The following GXYLT2 variants were observed in gnomAD, a reference collection of about 807,000 sequenced individuals.
GXYLT2 encodes the protein glycosyltransferase 8 domain containing 4.
A neutral mutation model predicts 45.8 loss-of-function variants in GXYLT2; 53 were observed. That is an observed-to-expected ratio of 1.16 (90% CI 0.93 to 1.46). The LOEUF is 1.46. Ranked by LOEUF, GXYLT2 falls within the 40% of genes most tolerant of loss-of-function variation. GXYLT2 has a pLI of 0.00. For missense variants in GXYLT2, 551 were observed against 544.4 expected (o/e 1.01, Z -0.12); for synonymous variants, 219 against 214.2 (o/e 1.02, Z -0.19).
chr3:72,903,993 G>A (rs988375923), intron 1 of GXYLT2, among the ~76,000 whole-genome samples: 1 of 152,184 alleles, frequency 6.6e-6, no homozygotes, highest in African/African-American at 2.4e-5. Flanking sequence ...ATCTGACTCT[G>A]CTTTTCCACT....
At chr3:72,890,497 C>T (rs1227300712) in intron 1 of GXYLT2, among the ~76,000 whole-genome samples, 1 of 152,252 alleles carries the variant, frequency 6.6e-6, no homozygotes, top group African/African-American at 2.4e-5. Flanking sequence ...CCAAGGTTCA[C>T]AGGTAACCTG....
chr3:72,933,302 C>T (rs191402045), intron 3 of GXYLT2, among the ~76,000 whole-genome samples: 2 of 152,266 alleles, frequency 1.3e-5, no homozygotes, highest in Admixed American at 1.3e-4. Context: ...ACATCAGTCA[C>T]ATTGTAGGGA....
intron 6 of GXYLT2, among the ~76,000 whole-genome samples, chr3:72,973,721 G>A (rs1361871068): frequency 6.6e-6 from 1 of 152,104 alleles, no homozygotes; most frequent in Non-Finnish European, 1.5e-5. Flanking sequence ...GAGGGTTGTG[G>A]GGGGAAAGAG....
At position 72,906,592 on chromosome 3, in the gene GXYLT2, C is replaced by T. The variant is rs538575377; in HGVS notation, c.276-1775C>T. ...AGAACGTAAGTTCTTCCAGTGCAGG[C>T]GTCTTTGTTTTGTTCACTGTCTTCC... On this transcript the variant is annotated intron_variant, in intron 1 of 6. Coordinates refer to ENST00000389617, the MANE Select transcript of GXYLT2 (RefSeq NM_001080393.2). 8.0e-5 allele frequency among the ~76,000 whole-genome samples: 10 copies of T among 124,674 alleles called. No homozygotes were observed. The East Asian group carries it at 1.6e-3, about 19-fold the overall frequency. The allele number at this position is 124,674 out of a possible 152,430, so 81.8% of individuals were successfully genotyped here. A position where few individuals can be genotyped will look rare whatever the true frequency, so the allele number is the denominator to read the frequency against.
intron 1 of GXYLT2, among the ~76,000 whole-genome samples, chr3:72,889,965 C>T (rs910517038): frequency 3.5e-5 from 5 of 141,168 alleles, no homozygotes; most frequent in Non-Finnish European, 6.0e-5. Flanking sequence ...GAGTGCCGTG[C>T]TGCGATCTCT....
Position 72,888,231 on chromosome 3 carries a change from A to C in GXYLT2, c.-3A>C. The C allele has an allele frequency of 1.0e-6, 1 of 990,216 alleles. No homozygotes were observed. Among genetic ancestry groups the C allele is most frequent in the Non-Finnish European group, 1.2e-6 (1 of 835,870 alleles). The allele number at this position is 990,216 out of a possible 1,614,324, so 61.3% of individuals were successfully genotyped here. On this transcript the variant is annotated 5_prime_UTR_variant, in exon 1 of 7. Coordinates refer to ENST00000389617, the MANE Select transcript of GXYLT2 (RefSeq NM_001080393.2). Reference sequence around the variant, plus strand: ...GGGGCCGCCGCCGCCGCCGCGCCGCACCATGAAGCTCCGCAGCAAGGCGGC... The same window carrying C: ...GGGGCCGCCGCCGCCGCCGCGCCGCCCCATGAAGCTCCGCAGCAAGGCGGC...
At chr3:72,973,462 G>A (rs1372911165) in intron 6 of GXYLT2, among the ~76,000 whole-genome samples, 1 of 152,186 alleles carries the variant, frequency 6.6e-6, no homozygotes, top group Non-Finnish European at 1.5e-5. Flanking sequence ...CATTCTAATG[G>A]CAGTGGAAAG....
chr3:72,943,742 A>G (rs1710344753), intron 3 of GXYLT2, among the ~76,000 whole-genome samples: 1 of 152,040 alleles, frequency 6.6e-6, no homozygotes, highest in Non-Finnish European at 1.5e-5. Flanking sequence ...ACCATATCTA[A>G]GTGTCCAGTT....
In GXYLT2 at chr3:72,971,067, G is replaced by A. The variant is rs533657898; in HGVS notation, c.1149+3348G>A. Among the ~76,000 whole-genome samples, 4 of 152,242 alleles carry A rather than the reference G, an allele frequency of 2.6e-5. No individual in the cohort carries two copies. The East Asian group carries it at 7.7e-4, about 29-fold the overall frequency. On this transcript the variant is annotated intron_variant, in intron 6 of 6. Coordinates refer to ENST00000389617, the MANE Select transcript of GXYLT2 (RefSeq NM_001080393.2). ...ACTCCAGGGGCAAACTCATTCAGGA[G>A]TACGAGCAGAAGTTAAATAAGTACA...
intron 3 of GXYLT2, among the ~76,000 whole-genome samples, chr3:72,947,178 G>A (rs1361608380): frequency 6.6e-6 from 1 of 151,826 alleles, no homozygotes; most frequent in Non-Finnish European, 1.5e-5. Context: ...CTGACAGAGG[G>A]GACTTAAATA....
intron 2 of GXYLT2, among the ~76,000 whole-genome samples, chr3:72,916,169 G>A (rs1462422355): frequency 1.3e-5 from 2 of 150,472 alleles, no homozygotes; most frequent in Non-Finnish European, 2.9e-5. Context: ...TCTAGTATGT[G>A]TTTTGCCACA....
At chr3:72,920,855 G>A (rs1276473768) in intron 2 of GXYLT2, among the ~76,000 whole-genome samples, 10 of 142,278 alleles carry the variant, frequency 7.0e-5, no homozygotes, top group African/African-American at 1.6e-4. Context: ...CACTCTGTCC[G>A]TCAGACTGGA....
At chr3:72,965,905 T>A (rs1710857075) in intron 5 of GXYLT2, among the ~76,000 whole-genome samples, 1 of 152,216 alleles carries the variant, frequency 6.6e-6, no homozygotes, top group South Asian at 2.1e-4. Flanking sequence ...TATAGTTACC[T>A]TGGCACAGGG....
chr3:72,943,745 G>A (rs1052871366), intron 3 of GXYLT2, among the ~76,000 whole-genome samples: 1 of 151,946 alleles, frequency 6.6e-6, no homozygotes, highest in Non-Finnish European at 1.5e-5. Flanking sequence ...ATATCTAAGT[G>A]TCCAGTTCTG....
At chr3:72,907,901 C>CT in intron 1 of GXYLT2, 1 of 157,304 alleles carries the variant, frequency 6.4e-6, no homozygotes, top group Admixed American at 6.1e-5. Flanking sequence ...CCACCCCAAC[C>CT]TAAAAACATC....
chr3:72,973,329 G>A (rs1327563807), intron 6 of GXYLT2, among the ~76,000 whole-genome samples: 3 of 152,116 alleles, frequency 2.0e-5, no homozygotes, highest in African/African-American at 4.8e-5. Context: ...AGTCCCGGAG[G>A]CAGGAATGAA....
At chr3:72,925,952 C>T (rs1304124246) in intron 3 of GXYLT2, among the ~76,000 whole-genome samples, 1 of 152,178 alleles carries the variant, frequency 6.6e-6, no homozygotes, top group South Asian at 2.1e-4. Context: ...ATCACAACAG[C>T]AGATTATGAA....
In GXYLT2 at chr3:72,957,349, C is replaced by T. The variant is rs1456435780; in HGVS notation, c.973C>T (p.Pro325Ser). The change falls in exon 5 of 7, where the codon CCA becomes TCA. Residue 325 changes from proline to serine, a missense_variant. Physicochemically the swap from Pro to Ser is moderately conservative, Grantham distance 74. Coordinates refer to ENST00000389617, the MANE Select transcript of GXYLT2 (RefSeq NM_001080393.2). ...DLLNIIFYFNPECLYVFPCQW... is the reference protein window; with the variant it reads ...DLLNIIFYFNSECLYVFPCQW... ...ATTAAATATTATTTTTTATTTCAAC[C>T]CAGGTAGGTTATCTTTGGAGAATGC... The T allele has an allele frequency of 1.2e-6, 2 of 1,602,754 alleles. No homozygotes were observed. The highest frequency in any genetic ancestry group is 8.5e-7 in the Non-Finnish European group (1 of 1,174,352).
chr3:72,959,559 C>G (rs958910673), intron 5 of GXYLT2, among the ~76,000 whole-genome samples: 1 of 152,140 alleles, frequency 6.6e-6, no homozygotes, highest in Non-Finnish European at 1.5e-5. Context: ...CCAGGCCCAG[C>G]CTCTTAGTTC....
Sources: gnomAD v4.1 joint callset for allele counts (sites outside exome capture counted in the v4.1 genomes callset) on GRCh38, gnomAD v4.1.1 for gene constraint, MANE v1.5 for transcripts, NCBI Gene and HGNC (gene_info 2026-07-23, HGNC 2026-07-21) for gene names.